Variants in TNS1 observed in about 807,000 individuals in gnomAD.
TNS1 encodes the protein tensin 1.
In TNS1, 62 loss-of-function variants were observed where a neutral mutation model predicts 168.6. The ratio of observed to expected loss-of-function variants is 0.37; its 90% CI spans 0.30 to 0.45. The LOEUF (loss-of-function observed/expected upper bound fraction) is 0.45, where lower values mean the gene tolerates loss of function less well. Ranked by LOEUF, TNS1 falls within the 20% of genes least tolerant of loss-of-function variation. TNS1 has a pLI of 1.00. For missense variants in TNS1, 2,240 were observed against 2,339.4 expected (o/e 0.96, Z 0.88); for synonymous variants, 934 against 933.2 (o/e 1.00, Z -0.02).
At chr2:217,833,856 T>G (rs961661337) in intron 21 of TNS1, among the ~76,000 whole-genome samples, 1 of 152,272 alleles carries the variant, frequency 6.6e-6, no homozygotes, top group Non-Finnish European at 1.5e-5. Context: ...TATTTTAGAC[T>G]GGGGTTAAAT....
intron 19 of TNS1, among the ~76,000 whole-genome samples, chr2:217,839,525 C>G (rs976380462): frequency 2.0e-5 from 3 of 152,124 alleles, no homozygotes; most frequent in African/African-American, 4.8e-5. Flanking sequence ...ATGAGCCAGA[C>G]TGGAGGCAAT....
At chr2:217,906,465 G>A (rs1464354770) in intron 5 of TNS1, 80 bp from the exon 6 acceptor site, 14 of 696,808 alleles carry the variant, frequency 2.0e-5, no homozygotes, top group South Asian at 4.5e-5. Flanking sequence ...TGTCAGGAGC[G>A]GCAGATGAGG....
intron 3 of TNS1, among the ~76,000 whole-genome samples, chr2:217,927,260 AC>A (rs1023055493): frequency 1.3e-5 from 2 of 152,198 alleles, no homozygotes; most frequent in Admixed American, 6.5e-5. Flanking sequence ...TGTTGAAAGA[AC>A]CACAAGAAGC....
rs377608082 is a variant in TNS1, at chr2:217,905,869, C to A, written c.321+466G>T. 2.0e-5 allele frequency among the ~76,000 whole-genome samples: 3 copies of A among 152,206 alleles called. No individual in the cohort carries two copies. In the East Asian group the frequency reaches 5.8e-4, roughly 29 times the overall value. ...GGGGACCCGTGGACCCATCTCCCAG[C>A]CTCCTCCTGAACCAATAGCATCTAA... is the stretch of plus-strand genomic sequence containing the variant. On this transcript the variant is annotated intron_variant, in intron 6 of 32. Transcript: ENST00000682258.
intron 3 of TNS1, among the ~76,000 whole-genome samples, chr2:217,962,407 C>T (rs1277127754): frequency 6.6e-6 from 1 of 152,198 alleles, no homozygotes; most frequent in African/African-American, 2.4e-5. Flanking sequence ...CATGCCATTG[C>T]ACTCCAGCCT....
intron 18 of TNS1, among the ~76,000 whole-genome samples, chr2:217,875,218 T>G (rs1189040261): frequency 6.6e-6 from 1 of 152,100 alleles, no homozygotes; most frequent in Admixed American, 6.6e-5. Flanking sequence ...CCAGTGGATA[T>G]GTAGTATGAG....
intron 18 of TNS1, among the ~76,000 whole-genome samples, chr2:217,863,444 C>G (rs1367391833): frequency 2.6e-5 from 4 of 152,110 alleles, no homozygotes; most frequent in Non-Finnish European, 4.4e-5. Flanking sequence ...GACAGACCCC[C>G]ACAACAAGCA....
chr2:217,981,436 T>TG (rs553705955), intron 2 of TNS1, among the ~76,000 whole-genome samples: 186 of 152,156 alleles, frequency 1.2e-3, no homozygotes, highest in African/African-American at 4.0e-3. Flanking sequence ...TGCCCTCAAG[T>TG]GGGGGGGCAA....
At position 217,847,783 on chromosome 2, in the gene TNS1, C is replaced by T. The variant is rs1057008329; in HGVS notation, c.2734G>A (p.Val912Ile). 1.2e-6 allele frequency: 2 copies of T among 1,607,958 alleles called. No homozygotes were observed. The highest frequency in any genetic ancestry group is 1.7e-6 in the Non-Finnish European group (2 of 1,175,040). Reference sequence around the variant, plus strand: ...GGTGAGTAAGACCTGCCAGGAGGGACAGACTCCAGAGAGGCCCGTGGGGCT... The same window carrying T: ...GGTGAGTAAGACCTGCCAGGAGGGATAGACTCCAGAGAGGCCCGTGGGGCT... ...EPAPRASLES[V>I]PPGRSYSPYD... The change falls in exon 19 of 33, where the codon GTC becomes ATC. Residue 912 changes from valine (V) to isoleucine (I), a missense_variant. Around this residue, in one of 2 missense-constraint regions of TNS1, gnomAD observed 2,131 missense variants for 2,171.2 expected, o/e 0.98. Coordinates refer to ENST00000682258, the MANE Select transcript of TNS1 (RefSeq NM_001387777.1).
At chr2:217,993,712 A>T (rs1383515327) in intron 1 of TNS1, among the ~76,000 whole-genome samples, 2 of 152,208 alleles carry the variant, frequency 1.3e-5, no homozygotes, top group African/African-American at 4.8e-5. Flanking sequence ...CATCACTGGG[A>T]CCACTGGCGG....
intron 1 of TNS1, among the ~76,000 whole-genome samples, chr2:218,001,803 G>A (rs932987039): frequency 6.7e-6 from 1 of 149,060 alleles, no homozygotes; most frequent in Admixed American, 6.8e-5. Context: ...ACTGCCCCCA[G>A]CATGGGCTTG....
intron 23 of TNS1, among the ~76,000 whole-genome samples, chr2:217,819,771 T>A (rs1942517506): frequency 6.6e-6 from 1 of 152,078 alleles, no homozygotes. Context: ...AAACAAAGGT[T>A]GACAGGGGCC....
At chr2:217,993,700 G>T (rs892320995) in intron 1 of TNS1, among the ~76,000 whole-genome samples, 3 of 152,234 alleles carry the variant, frequency 2.0e-5, no homozygotes, top group East Asian at 3.8e-4. Flanking sequence ...TGCCCACAAG[G>T]ACATCACTGG....
intron 1 of TNS1, among the ~76,000 whole-genome samples, chr2:218,024,490 G>A (rs1440423385): frequency 6.6e-6 from 1 of 152,174 alleles, no homozygotes; most frequent in Admixed American, 6.5e-5. Flanking sequence ...GAGGTGGGGA[G>A]CTGATGGGGG....
Position 217,812,446 on chromosome 2 carries a change from C to G in TNS1, c.4955-1G>C, listed in dbSNP as rs1470678175. 8.7e-6 allele frequency: 14 copies of G among 1,613,832 alleles called. No homozygotes were observed. The Admixed American group carries it at 2.3e-4, about 27-fold the overall frequency. ...TGGTAGACCAGGGCAGACAGCGATC[C>G]TGTAGGGAGGCAGACGGCATGTCAT... is the stretch of plus-strand genomic sequence containing the variant. On this transcript the variant is annotated splice_acceptor_variant, in intron 27 of 32. Coordinates refer to ENST00000682258, the MANE Select transcript of TNS1 (RefSeq NM_001387777.1). LOFTEE classifies it high-confidence loss of function.
intron 19 of TNS1, among the ~76,000 whole-genome samples, chr2:217,843,993 C>T (rs1464469761): frequency 1.3e-5 from 2 of 152,146 alleles, no homozygotes; most frequent in Non-Finnish European, 2.9e-5. Context: ...TCCCCTCAAA[C>T]TCAACATGTC....
rs1263743304 is a variant in TNS1 at position 217,995,261 on chromosome 2, G to A, written c.34-4205C>T. On this transcript the variant is annotated intron_variant, in intron 1 of 32. Coordinates refer to ENST00000682258, the MANE Select transcript of TNS1 (RefSeq NM_001387777.1). This position sits in a 1 kb window ranked among gnomAD's most constrained non-coding sequence, Gnocchi z 4.1. ...CTGCGCTGGTCTTGTTGAAACAGCT[G>A]TCCCATAGGTTTGATGTTCCCAGGA... is the stretch of plus-strand genomic sequence containing the variant. Among the ~76,000 whole-genome samples, 2 of 152,162 alleles carry A rather than the reference G, an allele frequency of 1.3e-5. No individual in the cohort carries two copies. The highest frequency in any genetic ancestry group is 2.9e-5 in the Non-Finnish European group (2 of 68,030).
chr2:217,965,479 C>T (rs545746316), intron 3 of TNS1, among the ~76,000 whole-genome samples: 1 of 152,312 alleles, frequency 6.6e-6, no homozygotes, highest in East Asian at 1.9e-4. Context: ...ACCAGGCCAC[C>T]TCTCCTGCTG....
upstream of TNS1, among the ~76,000 whole-genome samples, chr2:218,007,790 C>T (rs1321778718): frequency 1.3e-5 from 2 of 152,154 alleles, no homozygotes; most frequent in African/African-American, 4.8e-5. Context: ...TACACCTCAG[C>T]CTCTGAGTCC....
Sources: gnomAD v4.1 joint callset for allele counts (sites outside exome capture counted in the v4.1 genomes callset) on GRCh38, gnomAD v4.1.1 for gene constraint, gnomAD v4.1.1 regional missense constraint, Gnocchi (gnomAD v3.1) non-coding constraint, MANE v1.5 for transcripts, NCBI Gene and HGNC (gene_info 2026-07-23, HGNC 2026-07-21) for gene names.